NRXN1: variants seen among roughly 807,000 people sequenced by gnomAD.
The protein encoded by NRXN1 is neurexin-1.
Under a neutral mutation model 150.9 loss-of-function variants are expected in NRXN1, and 39 were observed. That is an observed-to-expected ratio of 0.26 (90% CI 0.20 to 0.34). NRXN1 has a LOEUF of 0.34. Ranked by LOEUF, NRXN1 falls within the 10% of genes least tolerant of loss-of-function variation. The pLI, the probability that NRXN1 is intolerant of heterozygous loss-of-function variation, is 1.00. For missense variants in NRXN1, 1,815 were observed against 1,949.9 expected, an observed-to-expected ratio of 0.93 and a Z score of 1.30; for synonymous variants, 924 against 757.0, an observed-to-expected ratio of 1.22 and a Z score of -3.62.
At chr2:50,625,632 A>C (rs17040906) in intron 5 of NRXN1, among the ~76,000 whole-genome samples, 3,300 of 152,178 alleles carry the variant, frequency 0.022, 110 homozygotes, top group East Asian at 0.14. Flanking sequence ...ATTGGGCACA[A>C]GTACAACTAT....
chr2:49,919,615 T>G lies in NRXN1; in HGVS notation c.*2329A>C, dbSNP rs1242948484. The stretch of plus-strand genomic sequence containing the variant: ...GTAGTTTTACACTTCCCTTCTTATT[T>G]AACTGGCTTTCCCTGAGTAAGACTG... On this transcript the variant is annotated 3_prime_UTR_variant, in exon 23 of 23. Coordinates refer to ENST00000401669, the MANE Select transcript of NRXN1 (RefSeq NM_001330078.2). 6.6e-6 allele frequency: 1 copy of G among 151,880 alleles called. No individual in the cohort carries two copies. 9.4% of individuals were successfully genotyped at this position (151,880 alleles called of 1,614,324 possible).
At chr2:50,324,573 C>T (rs565077261) in intron 17 of NRXN1, among the ~76,000 whole-genome samples, 210 of 152,306 alleles carry the variant, frequency 1.4e-3, no homozygotes, top group Admixed American at 1.4e-3. Context: ...GACGGAGTCT[C>T]GCTCTGTCGC....
At chr2:50,678,665 C>T (rs1387374462) in intron 5 of NRXN1, among the ~76,000 whole-genome samples, 6 of 152,054 alleles carry the variant, frequency 3.9e-5, no homozygotes, top group Admixed American at 6.6e-5. Context: ...ATGATCATGT[C>T]GCCAAACTGA....
intron 19 of NRXN1, among the ~76,000 whole-genome samples, chr2:50,074,459 T>A (rs1696757941): frequency 6.6e-6 from 1 of 152,180 alleles, no homozygotes; most frequent in African/African-American, 2.4e-5. Context: ...AGTTACTATA[T>A]CTTCTGTAAA....
chr2:50,839,032 T>A (rs1367554454), intron 5 of NRXN1, among the ~76,000 whole-genome samples: 3 of 152,170 alleles, frequency 2.0e-5, no homozygotes, highest in African/African-American at 7.2e-5. Context: ...TTTTCTTGAC[T>A]TTAAGTTTAG....
chr2:50,135,289 A>C (rs905388058), intron 18 of NRXN1, among the ~76,000 whole-genome samples: 2 of 152,260 alleles, frequency 1.3e-5, no homozygotes, highest in African/African-American at 4.8e-5. Context: ...CAGAGATTTA[A>C]GCCACAGTAA....
chr2:50,839,939 A>G (rs1428708423), intron 5 of NRXN1, among the ~76,000 whole-genome samples: 1 of 152,136 alleles, frequency 6.6e-6, no homozygotes, highest in Non-Finnish European at 1.5e-5. Context: ...TTGACACTTG[A>G]GCAAAATATT....
At chr2:50,649,145 G>A (rs1020344642) in intron 5 of NRXN1, among the ~76,000 whole-genome samples, 1 of 151,822 alleles carries the variant, frequency 6.6e-6, no homozygotes, top group African/African-American at 2.4e-5. Context: ...ATGAACAATA[G>A]TTAGAATTGT....
chr2:50,743,561 T>C (rs1699690048), intron 5 of NRXN1, among the ~76,000 whole-genome samples: 1 of 152,160 alleles, frequency 6.6e-6, no homozygotes, highest in Non-Finnish European at 1.5e-5. Flanking sequence ...AATTTTGTTT[T>C]CCAGAAATCC....
At chr2:50,824,720 C>A (rs185635200) in intron 5 of NRXN1, among the ~76,000 whole-genome samples, 3 of 152,204 alleles carry the variant, frequency 2.0e-5, no homozygotes, top group Non-Finnish European at 4.4e-5. Context: ...GAAAAAAATA[C>A]CCACTTCTCC....
At chr2:51,027,355 G>T in intron 2 of NRXN1, 147 bp downstream of exon 2, 1 of 779,072 alleles carries the variant, frequency 1.3e-6, no homozygotes, top group Non-Finnish European at 1.9e-6. Flanking sequence ...TGGTAAGGTA[G>T]AGAGTCCCCC....
intron 15 of NRXN1, among the ~76,000 whole-genome samples, chr2:50,476,891 G>A (rs2090034988): frequency 6.6e-6 from 1 of 151,962 alleles, no homozygotes; most frequent in Non-Finnish European, 1.5e-5. Flanking sequence ...GCGATTAAGA[G>A]GACAAAAAAA....
chr2:51,019,893 G>A (rs1413033731), intron 2 of NRXN1, among the ~76,000 whole-genome samples: 2 of 151,804 alleles, frequency 1.3e-5, no homozygotes, highest in African/African-American at 4.8e-5. Context: ...TCATAAATAG[G>A]TCTGCTCTCT....
At chr2:50,011,215 G>A (rs529360432) in intron 21 of NRXN1, among the ~76,000 whole-genome samples, 61 of 152,222 alleles carry the variant, frequency 4.0e-4, no homozygotes, top group Admixed American at 6.5e-4. Flanking sequence ...AATCTCTGCA[G>A]TCACTAAGCA....
At chr2:50,010,953 G>C (rs1320001028) in intron 21 of NRXN1, among the ~76,000 whole-genome samples, 2 of 152,272 alleles carry the variant, frequency 1.3e-5, no homozygotes, top group East Asian at 3.9e-4. Context: ...ATCATTGAGA[G>C]TCAAAAAGCT....
At chr2:50,995,602 CAAA>C (rs34952996) in intron 2 of NRXN1, among the ~76,000 whole-genome samples, 1 of 71,922 alleles carries the variant, frequency 1.4e-5, no homozygotes, top group Non-Finnish European at 2.6e-5. Context: ...TAGACTCTGT[CAAA>C]AAAAAAAAAA....
chr2:50,980,794 C>A (rs997506384), intron 2 of NRXN1, among the ~76,000 whole-genome samples: 1 of 151,966 alleles, frequency 6.6e-6, no homozygotes, highest in African/African-American at 2.4e-5. Context: ...GTTTTCCTGC[C>A]TTTTGTTATA....
At chr2:50,490,199 C>T (rs1185207687) in intron 15 of NRXN1, among the ~76,000 whole-genome samples, 4 of 152,164 alleles carry the variant, frequency 2.6e-5, no homozygotes, top group Admixed American at 6.5e-5. Context: ...TTTCCCTGAA[C>T]CTCGGCTCAT....
intron 8 of NRXN1, among the ~76,000 whole-genome samples, chr2:50,590,208 A>C (rs1168818444): frequency 2.6e-5 from 4 of 152,194 alleles, no homozygotes; most frequent in African/African-American, 9.7e-5. Context: ...CAGCCCTCAA[A>C]TAAGTTCCAA....
Sources: gnomAD v4.1 joint callset for allele counts (sites outside exome capture counted in the v4.1 genomes callset) on GRCh38, gnomAD v4.1.1 for gene constraint, MANE v1.5 for transcripts, NCBI Gene and HGNC (gene_info 2026-07-23, HGNC 2026-07-21) for gene names.